Variants in FYB2 observed in about 807,000 individuals in gnomAD.
FYB2 encodes FYN binding protein 2, also known as FYN-binding protein 2.
Under a neutral mutation model 94.1 loss-of-function variants are expected in FYB2, and 103 were observed. That is an observed-to-expected ratio of 1.09 (90% CI 0.93 to 1.29). FYB2 has a LOEUF of 1.29. Among genes scored for constraint, FYB2 ranks in the 50% most tolerant of loss-of-function variants. The pLI is 0.00. For missense variants in FYB2, 896 were observed against 841.5 expected, an observed-to-expected ratio of 1.06 and a Z score of -0.80; for synonymous variants, 293 against 287.9, an observed-to-expected ratio of 1.02 and a Z score of -0.18.
At chr1:56,797,512 C>A (rs977955174) in intron 1 of FYB2, among the ~76,000 whole-genome samples, 4 of 152,110 alleles carry the variant, frequency 2.6e-5, no homozygotes, top group African/African-American at 7.2e-5. Flanking sequence ...AACTACCACG[C>A]CCAGGCACTC....
intron 1 of FYB2, among the ~76,000 whole-genome samples, chr1:56,816,354 G>C (rs1037396316): frequency 1.3e-5 from 2 of 152,162 alleles, no homozygotes; most frequent in African/African-American, 4.8e-5. Flanking sequence ...TCTACATCAC[G>C]TGTCTCTAGC....
chr1:56,815,789 T>C (rs1646869787), intron 1 of FYB2, among the ~76,000 whole-genome samples: 1 of 152,216 alleles, frequency 6.6e-6, no homozygotes, highest in Admixed American at 6.5e-5. Flanking sequence ...ACAACTCCAA[T>C]GCTCATTCAT....
intron 1 of FYB2, among the ~76,000 whole-genome samples, chr1:56,806,084 C>G (rs1646640120): frequency 6.6e-6 from 1 of 152,118 alleles, no homozygotes; most frequent in Non-Finnish European, 1.5e-5. Flanking sequence ...TGTTGTATTC[C>G]TATTACAGGT....
chr1:56,775,556 T>C (rs544756547), intron 4 of FYB2, among the ~76,000 whole-genome samples: 16 of 152,306 alleles, frequency 1.1e-4, no homozygotes, highest in Non-Finnish European at 1.9e-4. Context: ...ATACTATTAT[T>C]CTTTCCACAA....
chr1:56,816,369 A>G (rs1446206281), intron 1 of FYB2, among the ~76,000 whole-genome samples: 1 of 152,196 alleles, frequency 6.6e-6, no homozygotes, highest in African/African-American at 2.4e-5. Context: ...TCTAGCCAGA[A>G]AGTATTGGGG....
Position 56,723,587 on chromosome 1 carries a change from C to G in FYB2, c.1974+1G>C. The G allele has an allele frequency of 6.6e-7, 1 of 1,515,624 alleles. No homozygotes were observed. Among genetic ancestry groups the G allele is most frequent in the East Asian group, 2.3e-5 (1 of 43,806 alleles). 93.9% of individuals were successfully genotyped at this position (1,515,624 alleles called of 1,614,324 possible). On this transcript the variant is annotated splice_donor_variant, in intron 17 of 19. Coordinates refer to ENST00000343433, the MANE Select transcript of FYB2 (RefSeq NM_001004303.5). LOFTEE classifies it high-confidence loss of function. ...ATTTTTACCTTCAGAAGAGAACGTA[C>G]CTTAAACCTTTCTCTAAATAGTTTT...
chr1:56,792,990 C>T (rs1646309498), intron 1 of FYB2, among the ~76,000 whole-genome samples, 187 bp from the exon 2 acceptor site: 2 of 151,280 alleles, frequency 1.3e-5, no homozygotes, highest in South Asian at 2.1e-4. Context: ...GCCAGCAATG[C>T]TATTGTCTAT....
At chr1:56,764,664 G>A (rs1344230882) in intron 5 of FYB2, among the ~76,000 whole-genome samples, 3 of 151,614 alleles carry the variant, frequency 2.0e-5, no homozygotes, top group Non-Finnish European at 4.4e-5. Context: ...TTTTATAAAA[G>A]CTGCTTTAAA....
chr1:56,802,235 T>A (rs1646538897), intron 1 of FYB2, among the ~76,000 whole-genome samples: 1 of 152,202 alleles, frequency 6.6e-6, no homozygotes, highest in South Asian at 2.1e-4. Context: ...AACTACTTAC[T>A]GGTCTGCCTC....
chr1:56,758,170 T>TAAGC (rs1161711816), intron 6 of FYB2, among the ~76,000 whole-genome samples: 145 of 152,160 alleles, frequency 9.5e-4, no homozygotes, highest in Non-Finnish European at 1.8e-3. Flanking sequence ...TATACCTTCA[T>TAAGC]TTATCTTATT....
intron 12 of FYB2, 24 bp from the exon 13 acceptor site, chr1:56,740,819 G>T: frequency 6.7e-7 from 1 of 1,481,738 alleles, no homozygotes; most frequent in Non-Finnish European, 9.3e-7. Context: ...CAGGATATAA[G>T]TAACATGGCA....
chr1:56,778,279 A>T (rs1197468096), intron 4 of FYB2, among the ~76,000 whole-genome samples: 1 of 152,076 alleles, frequency 6.6e-6, no homozygotes, highest in Non-Finnish European at 1.5e-5. Flanking sequence ...ACACCACAAT[A>T]CTTGTTGTAT....
upstream of FYB2, chr1:56,819,414 C>T: frequency 7.2e-7 from 1 of 1,386,482 alleles, no homozygotes; most frequent in African/African-American, 1.4e-5. Flanking sequence ...CAGGACACAC[C>T]TGAGCCCAGG....
At chr1:56,797,331 G>A (rs1212312673) in intron 1 of FYB2, among the ~76,000 whole-genome samples, 1 of 152,150 alleles carries the variant, frequency 6.6e-6, no homozygotes, top group East Asian at 1.9e-4. Flanking sequence ...ACTACTGATG[G>A]GTTTCCTGGT....
chr1:56,720,604 C>CT (rs767234158), intron 17 of FYB2: 43 of 242,038 alleles, frequency 1.8e-4, no homozygotes, highest in Non-Finnish European at 2.8e-4. Flanking sequence ...TCTCTCAAAT[C>CT]TTTTTTAAAA....
At chr1:56,784,602 C>A (rs1280652277) in intron 4 of FYB2, among the ~76,000 whole-genome samples, 1 of 152,094 alleles carries the variant, frequency 6.6e-6, no homozygotes, top group Non-Finnish European at 1.5e-5. Flanking sequence ...TAGGATCCAA[C>A]CTCATCTCTT....
At chr1:56,809,740 C>A (rs1171312145) in intron 1 of FYB2, among the ~76,000 whole-genome samples, 1 of 152,112 alleles carries the variant, frequency 6.6e-6, no homozygotes, top group Non-Finnish European at 1.5e-5. Flanking sequence ...CCTCCCTAGA[C>A]TAGGAGCAAC....
chr1:56,729,801 AG>A (rs942805897), intron 15 of FYB2, among the ~76,000 whole-genome samples: 31 of 152,152 alleles, frequency 2.0e-4, no homozygotes, highest in African/African-American at 7.2e-4. Flanking sequence ...AGTATCAACA[AG>A]TTTTTAAAAA....
Position 56,798,743 on chromosome 1 carries a change from C to A in FYB2, c.10-5940G>T, listed in dbSNP as rs577172240. Among the ~76,000 whole-genome samples, 3 of 152,212 alleles carry A rather than the reference C, an allele frequency of 2.0e-5. No individual in the cohort carries two copies. In the East Asian group the frequency reaches 5.8e-4, roughly 29 times the overall value. ...CTTCATATACATTCACTAATTTAAA[C>A]CCATGTATTCTCAGGTTACAGACAA... is the stretch of plus-strand genomic sequence containing the variant. On this transcript the variant is annotated intron_variant, in intron 1 of 19. Transcript: ENST00000343433.
Sources: allele counts gnomAD v4.1 joint callset (sites outside exome capture counted in the v4.1 genomes callset), GRCh38; gene constraint gnomAD v4.1.1; transcripts MANE v1.5; gene names NCBI Gene and HGNC (gene_info 2026-07-23, HGNC 2026-07-21).